The following ASAH2 variants were observed in gnomAD, a reference collection of about 807,000 sequenced individuals.
The protein encoded by ASAH2 is N-acylsphingosine amidohydrolase 2.
In ASAH2, 58 loss-of-function variants were observed where a neutral mutation model predicts 82.9. The ratio of observed to expected loss-of-function variants is 0.70; its 90% CI spans 0.57 to 0.87. The LOEUF (loss-of-function observed/expected upper bound fraction) is 0.87, where lower values mean the gene tolerates loss of function less well. Among genes scored for constraint, ASAH2 ranks in the 40% least tolerant of loss-of-function variants. The pLI is 0.00. For synonymous variants in ASAH2, 276 were observed against 289.7 expected (o/e 0.95, Z 0.48); for missense variants, 779 against 834.0 (o/e 0.93, Z 0.81).
At chr10:50,239,048 T>C (rs963139348) in intron 4 of ASAH2, among the ~76,000 whole-genome samples, 1 of 152,200 alleles carries the variant, frequency 6.6e-6, no homozygotes, top group African/African-American at 2.4e-5. Flanking sequence ...TGTCTACCGC[T>C]CACTTCTGTC....
At position 50,187,118 on chromosome 10, in the gene ASAH2, T is replaced by TCACA. The variant is rs1171385681; in HGVS notation, c.*193_*196dup. On this transcript the variant is annotated 3_prime_UTR_variant, in exon 21 of 21. Coordinates refer to ENST00000682911, the MANE Select transcript of ASAH2 (RefSeq NM_019893.4). Reference sequence around the variant, plus strand: ...CTCTCTCTCTCTCTCTCTCTCTCTCTCACACACACACACACACACACACAC... The same window carrying TCACA: ...CTCTCTCTCTCTCTCTCTCTCTCTCTCACACACACACACACACACACACACACAC... 4,062 of 156,732 alleles carry TCACA rather than the reference T, an allele frequency of 0.026. 104 individuals are homozygous for TCACA. The highest frequency in any genetic ancestry group is 0.079 in the Admixed American group (693 of 8,806). 9.7% of individuals were successfully genotyped at this position (156,732 alleles called of 1,614,324 possible).
chr10:50,213,648 G>C lies in ASAH2; in HGVS notation c.1141-590C>G, dbSNP rs976792857. On this transcript the variant is annotated intron_variant, in intron 9 of 20. Coordinates refer to ENST00000682911, the MANE Select transcript of ASAH2 (RefSeq NM_019893.4). ...AGGGTGTGGGCAGACCCTCCTGAAA[G>C]TTATCTAGAACAAGCTTAGTTAAAC... Among the ~76,000 whole-genome samples the C allele has an allele frequency of 9.1e-3, 1,384 of 152,136 alleles. 22 individuals are homozygous for C. The highest frequency in any genetic ancestry group is 0.03 in the African/African-American group (1,245 of 41,528).
At chr10:50,227,147 T>A (rs1329107956) in intron 7 of ASAH2, among the ~76,000 whole-genome samples, 2 of 151,986 alleles carry the variant, frequency 1.3e-5, no homozygotes, top group Non-Finnish European at 2.9e-5. Flanking sequence ...ACAAAAGAAA[T>A]AACTAAAGCT....
At chr10:50,201,786 G>T (rs1224614342) in intron 16 of ASAH2, among the ~76,000 whole-genome samples, 1 of 152,116 alleles carries the variant, frequency 6.6e-6, no homozygotes, top group African/African-American at 2.4e-5. Flanking sequence ...AACCAATGTT[G>T]TGATACAGTA....
chr10:50,236,105 A>G (rs1564848258), intron 4 of ASAH2, 41 bp from the exon 5 acceptor site: 5 of 1,571,100 alleles, frequency 3.2e-6, no homozygotes, highest in Non-Finnish European at 4.4e-6. Flanking sequence ...GAGGGATAAC[A>G]TAGGAGCTCA....
At chr10:50,222,764 A>G (rs1845780354) in intron 7 of ASAH2, among the ~76,000 whole-genome samples, 2 of 152,220 alleles carry the variant, frequency 1.3e-5, no homozygotes, top group African/African-American at 4.8e-5. Flanking sequence ...TGTCACAGCA[A>G]CCAAAGTACT....
At chr10:50,195,654 A>G (rs1844956109) in intron 18 of ASAH2, among the ~76,000 whole-genome samples, 3 of 152,024 alleles carry the variant, frequency 2.0e-5, no homozygotes, top group Middle Eastern at 3.4e-3. Flanking sequence ...AGTGTTCATC[A>G]ATGGATGAAT....
In ASAH2 at chr10:50,248,580, T is replaced by C. The variant is rs1320514062; in HGVS notation, c.31A>G (p.Thr11Ala). 1 of 1,613,562 alleles carries C rather than the reference T, an allele frequency of 6.2e-7. No individual in the cohort carries two copies. The highest frequency in any genetic ancestry group is 8.5e-7 in the Non-Finnish European group (1 of 1,179,680). The change falls in exon 2 of 21, where the codon ACA (threonine) becomes GCA (alanine). Residue 11 changes from threonine (T) to alanine (A), a missense_variant. Coordinates refer to ENST00000682911, the MANE Select transcript of ASAH2 (RefSeq NM_019893.4). MAKRTFSNLE[T>A]FLIFLLVMMS... ...ATTACAAGGAGGAAAATCAGGAATG[T>C]CTCCAAGTTAGAGAAGGTGCGTTTG...
rs1011254610 is a variant in ASAH2 at position 50,205,458 on chromosome 10, A to C, written c.1531-503T>G. Among the ~76,000 whole-genome samples the C allele has an allele frequency of 2.0e-5, 3 of 151,980 alleles. No homozygotes were observed. In the South Asian group the frequency reaches 6.2e-4, roughly 32 times the overall value. ...GAATTTTAATAGGATATTAGGGAAA[A>C]ATGTATTTTTAAAATGCTTCTAACT... On this transcript the variant is annotated intron_variant, in intron 13 of 20. Coordinates refer to ENST00000682911, the MANE Select transcript of ASAH2 (RefSeq NM_019893.4).
chr10:50,199,990 A>T (rs1845097619), intron 16 of ASAH2, among the ~76,000 whole-genome samples: 1 of 151,178 alleles, frequency 6.6e-6, no homozygotes, highest in South Asian at 2.1e-4. Flanking sequence ...ATCACATGTC[A>T]TGAGGGTTGG....
chr10:50,225,417 A>G (rs991774830), intron 7 of ASAH2, among the ~76,000 whole-genome samples: 3 of 152,180 alleles, frequency 2.0e-5, no homozygotes, highest in Admixed American at 1.3e-4. Flanking sequence ...GACTCTGTCA[A>G]ACAATAAAAA....
chr10:50,209,432 A>G (rs1371690824), intron 12 of ASAH2, among the ~76,000 whole-genome samples: 10 of 152,184 alleles, frequency 6.6e-5, no homozygotes, highest in Non-Finnish European at 1.2e-4. Flanking sequence ...TCACTGCAAC[A>G]TCTGCCTCCC....
intron 8 of ASAH2, among the ~76,000 whole-genome samples, chr10:50,217,250 C>T (rs1302219459): frequency 2.8e-4 from 35 of 127,236 alleles, no homozygotes; most frequent in African/African-American, 7.6e-4. Flanking sequence ...TTTTTTGAGA[C>T]GGAGTCTCGC....
At chr10:50,227,025 G>A (rs1386124816) in intron 7 of ASAH2, among the ~76,000 whole-genome samples, 1 of 152,100 alleles carries the variant, frequency 6.6e-6, no homozygotes, top group African/African-American at 2.4e-5. Context: ...AAGAAGCACT[G>A]AAAAGGTGAG....
intron 20 of ASAH2, among the ~76,000 whole-genome samples, chr10:50,187,902 T>C (rs77033916): frequency 9.5e-5 from 2 of 20,958 alleles, no homozygotes; most frequent in Admixed American, 1.1e-3. Flanking sequence ...TGTGTATATA[T>C]ATATATATAT....
intron 7 of ASAH2, 124 bp from the exon 8 acceptor site, chr10:50,218,754 A>G (rs1845673904): frequency 1.9e-6 from 2 of 1,073,084 alleles, no homozygotes; most frequent in Non-Finnish European, 2.8e-6. Context: ...GACATTCTAC[A>G]TCTACATTCT....
chr10:50,199,795 C>G (rs1845092760), intron 16 of ASAH2, among the ~76,000 whole-genome samples: 2 of 151,530 alleles, frequency 1.3e-5, no homozygotes, highest in Non-Finnish European at 1.5e-5. Flanking sequence ...TGTATCCTAT[C>G]AGTCTCCACA....
intron 15 of ASAH2, 90 bp downstream of exon 15, chr10:50,203,550 G>C (rs925922935): frequency 8.4e-7 from 1 of 1,192,640 alleles, no homozygotes; most frequent in Non-Finnish European, 1.3e-6. Context: ...AAGAAATGTG[G>C]AACTCTAGAT....
chr10:50,221,985 C>T (rs1845762272), intron 7 of ASAH2, among the ~76,000 whole-genome samples: 1 of 152,092 alleles, frequency 6.6e-6, no homozygotes, highest in Non-Finnish European at 1.5e-5. Flanking sequence ...GTACTCCTAG[C>T]AGAGGAAATA....
Sources: allele counts gnomAD v4.1 joint callset (sites outside exome capture counted in the v4.1 genomes callset), GRCh38; gene constraint gnomAD v4.1.1; transcripts MANE v1.5; gene names NCBI Gene and HGNC (gene_info 2026-07-23, HGNC 2026-07-21).